The following SLC16A13 variants were observed in gnomAD, a reference collection of about 807,000 sequenced individuals.
SLC16A13 encodes solute carrier family 16 member 13, also known as monocarboxylate transporter 13.
Under a neutral mutation model 28.1 loss-of-function variants are expected in SLC16A13, and 28 were observed. The ratio of observed to expected loss-of-function variants is 1.00; its 90% CI spans 0.74 to 1.37. The LOEUF (loss-of-function observed/expected upper bound fraction) is 1.37, where lower values mean the gene tolerates loss of function less well. SLC16A13 is among the 40% of genes most tolerant of loss of function. SLC16A13 has a pLI of 0.00. For synonymous variants in SLC16A13, 228 were observed against 241.6 expected, an observed-to-expected ratio of 0.94 and a Z score of 0.52; for missense variants, 482 against 531.8, an observed-to-expected ratio of 0.91 and a Z score of 0.92.
chr17:7,038,824 A>G lies in SLC16A13; in HGVS notation c.1016A>G (p.Tyr339Cys), dbSNP rs1364445074. 4 of 1,613,816 alleles carry G rather than the reference A, an allele frequency of 2.5e-6. No individual in the cohort carries two copies. Among genetic ancestry groups the G allele is most frequent in the Middle Eastern group, 3.3e-4 (2 of 6,060 alleles). The change falls in exon 3 of 4, where the codon TAC becomes TGC. Residue 339 changes from tyrosine to cysteine, a missense_variant. Tyr to Cys is a radical substitution (Grantham distance 194). Coordinates refer to ENST00000308027, the MANE Select transcript of SLC16A13 (RefSeq NM_201566.3). The surrounding 1 kb of genome is among the most constrained non-coding windows in gnomAD (Gnocchi z 5.7). ...LPELIGTRRI[Y>C]CGLGLLQMIE... ...GAACTAATAGGGACTAGAAGGATTT[A>G]CTGTGGCCTGGGACTGTTGCAGATG... is the stretch of plus-strand genomic sequence containing the variant.
chr17:7,036,569 C>T lies in SLC16A13; in HGVS notation c.187C>T (p.Gln63Ter). 2 of 1,612,400 alleles carry T rather than the reference C, an allele frequency of 1.2e-6. No individual in the cohort carries two copies. The highest frequency in any genetic ancestry group is 4.5e-5 in the East Asian group (2 of 44,888). Residue 63 changes from glutamine to a stop codon, truncating the protein, a stop_gained, in exon 1 of 4, where the codon CAG (glutamine) becomes TAG (stop). Transcript: ENST00000308027. LOFTEE classifies it high-confidence loss of function. ...GATCGCCTCCATAGGAATCGCGGTG[C>T]AGCAGTTTGGGAGTGAGTGCGGCGC... Reference protein sequence around the residue: ...SWIASIGIAVQQFGSPVGSAL... With the variant: ...SWIASIGIAV
rs574035773 is a variant in SLC16A13 at position 7,037,587 on chromosome 17, G to A, written c.344-565G>A. The stretch of plus-strand genomic sequence containing the variant: ...TAAAAACACAAAAAATTAGCTGGGC[G>A]TGGTGGCAGGTGACTGTAGTCCCAG... On this transcript the variant is annotated intron_variant, in intron 2 of 3. Coordinates refer to ENST00000308027, the MANE Select transcript of SLC16A13 (RefSeq NM_201566.3). Among the ~76,000 whole-genome samples, 11 of 152,004 alleles carry A rather than the reference G, an allele frequency of 7.2e-5. No individual in the cohort carries two copies. In the East Asian group the frequency reaches 1.9e-3, roughly 27 times the overall value.
intron 1 of SLC16A13, 30 bp from the exon 2 acceptor site, chr17:7,036,697 C>A (rs202003639): frequency 3.1e-5 from 50 of 1,609,318 alleles, no homozygotes; most frequent in Non-Finnish European, 5.9e-6. Context: ...CCCCTGAGAT[C>A]TTCTCGCAGC....
Position 7,039,459 on chromosome 17 carries a change from C to CA in SLC16A13, c.1082-288dup, listed in dbSNP as rs1245731412. 0.094 allele frequency among the ~76,000 whole-genome samples: 7,509 copies of CA among 80,148 alleles called. 461 individuals carry two copies. The highest frequency in any genetic ancestry group is 0.26 in the Admixed American group (2,212 of 8,556). The allele number at this position is 80,148 out of a possible 152,430, so 52.6% of individuals were successfully genotyped here. ...TGGGCGACAGAGCGAGACTCCGTCT[C>CA]AAAAAAAAAAAAAAAAGAAAGGCCA... On this transcript the variant is annotated intron_variant, in intron 3 of 3. Transcript: ENST00000308027. This position sits in a 1 kb window ranked among gnomAD's most constrained non-coding sequence, Gnocchi z 4.3.
Position 7,038,580 on chromosome 17 carries a change from G to A in SLC16A13, c.772G>A (p.Val258Ile), listed in dbSNP as rs536446542. The change falls in exon 3 of 4, where the codon GTT becomes ATT. Residue 258 changes from valine (V) to isoleucine (I), a missense_variant. Physicochemically the swap from Val to Ile is conservative, Grantham distance 29. Transcript: ENST00000308027. This position sits in a 1 kb window ranked among gnomAD's most constrained non-coding sequence, Gnocchi z 5.7. ...ACCTGCTGCCTTCCTACTCTCAGTT[G>A]TTGCTATTTCTGACCTCGTGGGGCG... ...PLPAAFLLSV[V>I]AISDLVGRVV... The A allele has an allele frequency of 6.2e-7, 1 of 1,614,178 alleles. No homozygotes were observed. The highest frequency in any genetic ancestry group is 1.3e-5 in the African/African-American group (1 of 75,024).
chr17:7,038,195 G>T lies in SLC16A13; in HGVS notation c.387G>T (p.Leu129=), dbSNP rs767381863. The change falls in exon 3 of 4, where the codon CTG becomes CTT. Residue 129 remains leucine, a synonymous_variant. Coordinates refer to ENST00000308027, the MANE Select transcript of SLC16A13 (RefSeq NM_201566.3). This position sits in a 1 kb window ranked among gnomAD's most constrained non-coding sequence, Gnocchi z 5.7. Reference sequence around the variant, plus strand: ...CCTTCGCTCCGACCCTGGCCTGCCTGTCCTGTTATTTCTCTCGCCGACGAT... The same window carrying T: ...CCTTCGCTCCGACCCTGGCCTGCCTTTCCTGTTATTTCTCTCGCCGACGAT... ...ALTFAPTLAC[L]SCYFSRRRSL... 6.2e-7 allele frequency: 1 copy of T among 1,614,058 alleles called. No individual in the cohort carries two copies. The highest frequency in any genetic ancestry group is 8.5e-7 in the Non-Finnish European group (1 of 1,180,024).
In SLC16A13 at chr17:7,038,595, C is replaced by A; in HGVS notation, c.787C>A (p.Leu263Ile). ...ACTCTCAGTTGTTGCTATTTCTGAC[C>A]TCGTGGGGCGTGTGGTCTCCGGATG... ...FLLSVVAISD[L>I]VGRVVSGWLG... Residue 263 changes from leucine to isoleucine, a missense_variant, in exon 3 of 4, where the codon CTC becomes ATC. Physicochemically the swap from Leu to Ile is conservative, Grantham distance 5. Transcript: ENST00000308027. The surrounding 1 kb of genome is among the most constrained non-coding windows in gnomAD (Gnocchi z 5.7). 1 of 1,614,170 alleles carries A rather than the reference C, an allele frequency of 6.2e-7. No individual in the cohort carries two copies. The highest frequency in any genetic ancestry group is 8.5e-7 in the Non-Finnish European group (1 of 1,180,040).
In SLC16A13 at chr17:7,039,171, G is replaced by A. The variant is rs141568199; in HGVS notation, c.1081+282G>A. On this transcript the variant is annotated intron_variant, in intron 3 of 3. Coordinates refer to ENST00000308027, the MANE Select transcript of SLC16A13 (RefSeq NM_201566.3). This position sits in a 1 kb window ranked among gnomAD's most constrained non-coding sequence, Gnocchi z 4.3. ...TGGCAGAACCTGGCCAGACACAGAC[G>A]TAGCATTCCAGTGTGCACCCTTTCC... Among the ~76,000 whole-genome samples, 8 of 152,292 alleles carry A rather than the reference G, an allele frequency of 5.3e-5. No homozygotes were observed. Among genetic ancestry groups the A allele is most frequent in the African/African-American group, 1.9e-4 (8 of 41,558 alleles).
In SLC16A13 at chr17:7,038,978, T is replaced by C. The variant is rs1910656623; in HGVS notation, c.1081+89T>C. 3 of 1,491,920 alleles carry C rather than the reference T, an allele frequency of 2.0e-6. No homozygotes were observed. The allele number at this position is 1,491,920 out of a possible 1,614,324, so 92.4% of individuals were successfully genotyped here. Reference sequence around the variant, plus strand: ...ATTCTCATTACAGTGTATGTGAATATTGCCCTCTGGTGTAGTACAGTACAC... The same window carrying C: ...ATTCTCATTACAGTGTATGTGAATACTGCCCTCTGGTGTAGTACAGTACAC... On this transcript the variant is annotated intron_variant, in intron 3 of 3. Coordinates refer to ENST00000308027, the MANE Select transcript of SLC16A13 (RefSeq NM_201566.3). This position sits in a 1 kb window ranked among gnomAD's most constrained non-coding sequence, Gnocchi z 5.7.
rs748771073 is a variant in SLC16A13, at chr17:7,036,877, G to A, written c.343+7G>A. 5 of 1,611,206 alleles carry A rather than the reference G, an allele frequency of 3.1e-6. No homozygotes were observed. Among genetic ancestry groups the A allele is most frequent in the Middle Eastern group, 1.6e-4 (1 of 6,062 alleles). On this transcript the variant is annotated splice_region_variant and intron_variant, in intron 2 of 3. Transcript: ENST00000308027. ...AGTATTGGGTTGCTGTCAGGTGAGA[G>A]CCTGCACAAGGGCAGGAGAGTCAAA...
At position 7,039,553 on chromosome 17, in the gene SLC16A13, T is replaced by A. The variant is rs1365393569; in HGVS notation, c.1082-210T>A. Among the ~76,000 whole-genome samples, 1 of 152,040 alleles carries A rather than the reference T, an allele frequency of 6.6e-6. No individual in the cohort carries two copies. The highest frequency in any genetic ancestry group is 2.4e-5 in the African/African-American group (1 of 41,394). ...GATCTCCAAATCCCTGCAGGCTGGT[T>A]TGGAGGTCCTTTCTGAAGGCGGGGA... On this transcript the variant is annotated intron_variant, in intron 3 of 3. Coordinates refer to ENST00000308027, the MANE Select transcript of SLC16A13 (RefSeq NM_201566.3). This position sits in a 1 kb window ranked among gnomAD's most constrained non-coding sequence, Gnocchi z 4.3.
rs1910634908 is a variant in SLC16A13, at chr17:7,038,290, G to A, written c.482G>A (p.Trp161Ter). 1.9e-6 allele frequency: 3 copies of A among 1,613,894 alleles called. No homozygotes were observed. The highest frequency in any genetic ancestry group is 2.5e-6 in the Non-Finnish European group (3 of 1,180,018). ...TTCACATTTGCCCCCTTTTTCCAGT[G>A]GCTGCTCAGCCACTACGCCTGGAGG... Reference protein sequence around the residue: ...SSFTFAPFFQWLLSHYAWRGS... With the variant: ...SSFTFAPFFQ Residue 161 changes from tryptophan to a stop codon, truncating the protein, a stop_gained, in exon 3 of 4, where the codon TGG becomes TAG. Transcript: ENST00000308027. LOFTEE classifies it high-confidence loss of function. The surrounding 1 kb of genome is among the most constrained non-coding windows in gnomAD (Gnocchi z 5.7).
chr17:7,036,668 G>A, intron 1 of SLC16A13, 59 bp from the exon 2 acceptor site: 3 of 1,607,348 alleles, frequency 1.9e-6, no homozygotes, highest in Non-Finnish European at 2.5e-6. Context: ...GCGAGGGGCG[G>A]GAGATGCTGG....
At position 7,039,753 on chromosome 17, in the gene SLC16A13, T is replaced by C; in HGVS notation, c.1082-10T>C. 1 of 1,614,130 alleles carries C rather than the reference T, an allele frequency of 6.2e-7. No individual in the cohort carries two copies. ...CACTCATGTGTATTCTTTTTCTCTC[T>C]TGGACCTAGGCTACCTCCGGGATGT... On this transcript the variant is annotated splice_polypyrimidine_tract_variant and intron_variant, in intron 3 of 3. Coordinates refer to ENST00000308027, the MANE Select transcript of SLC16A13 (RefSeq NM_201566.3). The surrounding 1 kb of genome is among the most constrained non-coding windows in gnomAD (Gnocchi z 4.3).
chr17:7,037,358 A>AAAAAAAAAAAG (rs1910611532), intron 2 of SLC16A13, among the ~76,000 whole-genome samples: 1 of 140,316 alleles, frequency 7.1e-6, no homozygotes, highest in Non-Finnish European at 1.6e-5. Context: ...AAAAAAAAAA[A>AAAAAAAAAAAG]AGATGAAACC....
chr17:7,036,140 A>C lies in SLC16A13; in HGVS notation c.-243A>C. ...ACTAGCTCAGCTCCGAGCTCGCGGAACCACGCCCCCGGGAGACTCTGGCCC... is the reference window on the plus strand; with the variant it reads ...ACTAGCTCAGCTCCGAGCTCGCGGACCCACGCCCCCGGGAGACTCTGGCCC... On this transcript the variant is annotated 5_prime_UTR_variant, in exon 1 of 4. Transcript: ENST00000308027. The C allele has an allele frequency of 1.8e-5, 8 of 450,364 alleles. No individual in the cohort carries two copies. Among genetic ancestry groups the C allele is most frequent in the East Asian group, 3.6e-5 (1 of 28,026 alleles). The allele number at this position is 450,364 out of a possible 1,614,324, so 27.9% of individuals were successfully genotyped here. A position where few individuals can be genotyped will look rare whatever the true frequency, so the allele number is the denominator to read the frequency against.
intron 2 of SLC16A13, among the ~76,000 whole-genome samples, chr17:7,037,698 C>T (rs1310641334): frequency 1.3e-5 from 2 of 150,708 alleles, no homozygotes; most frequent in Non-Finnish European, 2.9e-5. Flanking sequence ...TGCACTCCAG[C>T]CTGGGCGACA....
rs1253754295 is a variant in SLC16A13, at chr17:7,038,134, C to T, written c.344-18C>T. On this transcript the variant is annotated intron_variant, in intron 2 of 3. Transcript: ENST00000308027. The surrounding 1 kb of genome is among the most constrained non-coding windows in gnomAD (Gnocchi z 5.7). The stretch of plus-strand genomic sequence containing the variant: ...AGCTCCCTAAGAGTTCTCAACACCA[C>T]TTCTTCCTTTTTGACAGGCTCTGGC... The T allele has an allele frequency of 1.2e-6, 2 of 1,601,672 alleles. No homozygotes were observed. The highest frequency in any genetic ancestry group is 1.7e-5 in the Admixed American group (1 of 59,394).
At position 7,039,907 on chromosome 17, in the gene SLC16A13, C is replaced by G. The variant is rs151201844; in HGVS notation, c.1226C>G (p.Thr409Arg). ...ACCTCCGGGCCCCAGGACCTTGTAACAGAAGCACTAGATACTAAAGTTCCC... is the reference window on the plus strand; with the variant it reads ...ACCTCCGGGCCCCAGGACCTTGTAAGAGAAGCACTAGATACTAAAGTTCCC... ...TTTSGPQDLV[T>R]EALDTKVPLP... The change falls in exon 4 of 4, where the codon ACA becomes AGA. Residue 409 changes from threonine to arginine, a missense_variant. By Grantham distance (71) the Thr-to-Arg change is moderately conservative (BLOSUM62 -1). Transcript: ENST00000308027. The surrounding 1 kb of genome is among the most constrained non-coding windows in gnomAD (Gnocchi z 4.3). The G allele has an allele frequency of 6.8e-6, 11 of 1,614,112 alleles. No individual in the cohort carries two copies. Among genetic ancestry groups the G allele is most frequent in the Non-Finnish European group, 9.3e-6 (11 of 1,180,036 alleles).
Sources: allele counts gnomAD v4.1 joint callset (sites outside exome capture counted in the v4.1 genomes callset), GRCh38; gene constraint gnomAD v4.1.1; non-coding constraint Gnocchi (gnomAD v3.1); transcripts MANE v1.5; gene names NCBI Gene and HGNC (gene_info 2026-07-23, HGNC 2026-07-21).